ZDHHC2: variants seen among roughly 807,000 people sequenced by gnomAD.
The protein encoded by ZDHHC2 is palmitoyltransferase ZDHHC2.
In ZDHHC2, 51 loss-of-function variants were observed where a neutral mutation model predicts 55.6. That is an observed-to-expected ratio of 0.92 (90% CI 0.73 to 1.16). The LOEUF is 1.16. ZDHHC2 is among the 50% of genes most tolerant of loss of function. The pLI is 0.00. For missense variants in ZDHHC2, 491 were observed against 442.4 expected, an observed-to-expected ratio of 1.11 and a Z score of -0.99; for synonymous variants, 199 against 152.9, an observed-to-expected ratio of 1.30 and a Z score of -2.22.
At chr8:17,164,666 A>G (rs1263984791) in intron 1 of ZDHHC2, among the ~76,000 whole-genome samples, 1 of 152,146 alleles carries the variant, frequency 6.6e-6, no homozygotes, top group African/African-American at 2.4e-5. Flanking sequence ...GTTTCTAGGT[A>G]GTTGTCTATC....
At chr8:17,220,065 C>A (rs191971977) in intron 12 of ZDHHC2, among the ~76,000 whole-genome samples, 191 bp from the exon 13 acceptor site, 1 of 151,892 alleles carries the variant, frequency 6.6e-6, no homozygotes, top group African/African-American at 2.4e-5. Flanking sequence ...AGGATCCTTT[C>A]GTATATGCAT....
At chr8:17,159,695 A>C (rs1448878752) in intron 1 of ZDHHC2, among the ~76,000 whole-genome samples, 3 of 152,194 alleles carry the variant, frequency 2.0e-5, no homozygotes, top group African/African-American at 7.2e-5. Flanking sequence ...TGGGATGTAC[A>C]TATATTGTGT....
chr8:17,199,532 C>CGTCTT (rs1554466075), intron 6 of ZDHHC2, among the ~76,000 whole-genome samples: 2 of 117,504 alleles, frequency 1.7e-5, no homozygotes, highest in African/African-American at 3.5e-5. Context: ...TCTTCGTCTT[C>CGTCTT]TGTCTTCGTC....
intron 3 of ZDHHC2, among the ~76,000 whole-genome samples, chr8:17,189,056 C>A (rs750031715): frequency 6.6e-6 from 1 of 150,376 alleles, no homozygotes; most frequent in Non-Finnish European, 1.5e-5. Flanking sequence ...CATCCTCTCT[C>A]ATTTATAGAT....
intron 3 of ZDHHC2, among the ~76,000 whole-genome samples, chr8:17,192,571 G>A (rs1184510419): frequency 2.0e-5 from 3 of 152,230 alleles, no homozygotes; most frequent in East Asian, 1.9e-4. Flanking sequence ...CATTCTGTGG[G>A]TTGTGTCTTC....
intron 9 of ZDHHC2, 141 bp from the exon 10 acceptor site, chr8:17,210,247 A>G (rs565333307): frequency 3.8e-6 from 4 of 1,049,364 alleles, no homozygotes; most frequent in Non-Finnish European, 5.4e-6. Flanking sequence ...CTTCCTGAAC[A>G]CTATGTTGAG....
chr8:17,184,235 G>A lies in ZDHHC2; in HGVS notation c.131-554G>A, dbSNP rs183329664. ...CTAGCTTGGAATATTTACAACAGCCGCTGAGGAGTGGCAGTTTCCCAGCAC... is the reference window on the plus strand; with the variant it reads ...CTAGCTTGGAATATTTACAACAGCCACTGAGGAGTGGCAGTTTCCCAGCAC... On this transcript the variant is annotated intron_variant, in intron 1 of 12. Transcript: ENST00000262096. Among the ~76,000 whole-genome samples the A allele has an allele frequency of 5.3e-5, 8 of 152,300 alleles. No homozygotes were observed. In the East Asian group the frequency reaches 1.2e-3, roughly 22 times the overall value.
At chr8:17,170,670 C>T (rs1042921793) in intron 1 of ZDHHC2, among the ~76,000 whole-genome samples, 1 of 152,140 alleles carries the variant, frequency 6.6e-6, no homozygotes, top group Non-Finnish European at 1.5e-5. Flanking sequence ...CAGCTAATAA[C>T]GTTTGGTCAT....
intron 6 of ZDHHC2, among the ~76,000 whole-genome samples, chr8:17,199,533 TG>T (rs770865879): frequency 1.1e-3 from 35 of 31,266 alleles, no homozygotes; most frequent in South Asian, 6.7e-3. Context: ...CTTCGTCTTC[TG>T]TCTTCGTCTT....
intron 1 of ZDHHC2, among the ~76,000 whole-genome samples, chr8:17,177,469 T>C (rs2150897002): frequency 6.6e-6 from 1 of 152,350 alleles, no homozygotes; most frequent in East Asian, 1.9e-4. Flanking sequence ...CATAATCTTT[T>C]GAATGTGAGC....
intron 1 of ZDHHC2, among the ~76,000 whole-genome samples, chr8:17,183,663 T>C (rs186098461): frequency 6.4e-4 from 97 of 152,338 alleles, no homozygotes; most frequent in Non-Finnish European, 1.1e-3. Flanking sequence ...ACATCAAATA[T>C]GTGAAGATCT....
chr8:17,168,954 C>T (rs1384546207), intron 1 of ZDHHC2, among the ~76,000 whole-genome samples: 1 of 152,078 alleles, frequency 6.6e-6, no homozygotes, highest in African/African-American at 2.4e-5. Flanking sequence ...GTTGTTTCTA[C>T]CTTTTTGGCT....
At position 17,210,404 on chromosome 8, in the gene ZDHHC2, T is replaced by C; in HGVS notation, c.874T>C (p.Ser292Pro). The change falls in exon 10 of 13, where the codon TCC becomes CCC. Residue 292 changes from serine (S) to proline (P), a missense_variant. Coordinates refer to ENST00000262096, the MANE Select transcript of ZDHHC2 (RefSeq NM_016353.5). ...PIFSSLGDGC[S>P]FPTCLVNQDP... ...TAATTCTAGTCTAGGTGATGGCTGC[T>C]CCTTTCCAACTTGCCTTGTTAACCA... 1 of 1,613,472 alleles carries C rather than the reference T, an allele frequency of 6.2e-7. No individual in the cohort carries two copies. Among genetic ancestry groups the C allele is most frequent in the Non-Finnish European group, 8.5e-7 (1 of 1,179,656 alleles).
At chr8:17,214,450 C>T (rs1201945915) in intron 10 of ZDHHC2, among the ~76,000 whole-genome samples, 5 of 152,184 alleles carry the variant, frequency 3.3e-5, no homozygotes, top group Non-Finnish European at 4.4e-5. Context: ...TTTTCCTCAA[C>T]TTTGTCTTCC....
At chr8:17,207,637 T>C (rs1445271688) in intron 7 of ZDHHC2, among the ~76,000 whole-genome samples, 1 of 152,198 alleles carries the variant, frequency 6.6e-6, no homozygotes. Flanking sequence ...AATTTAAAAC[T>C]ACATTTTATA....
intron 3 of ZDHHC2, among the ~76,000 whole-genome samples, chr8:17,187,454 C>T (rs1190418754): frequency 6.6e-6 from 1 of 151,686 alleles, no homozygotes; most frequent in Non-Finnish European, 1.5e-5. Context: ...CTGAAGTAAT[C>T]AGTTTGAAAT....
Position 17,180,312 on chromosome 8 carries a change from A to G in ZDHHC2, c.131-4477A>G, listed in dbSNP as rs183984124. Among the ~76,000 whole-genome samples the G allele has an allele frequency of 3.2e-4, 49 of 152,298 alleles. 3 individuals carry two copies. The highest frequency in any genetic ancestry group is 1.2e-3 in the African/African-American group (48 of 41,580). On this transcript the variant is annotated intron_variant, in intron 1 of 12. Transcript: ENST00000262096. ...TCATTACTCTGTGTTAAGAATGAAG[A>G]CCACTTTTTTGGTTTAAACAAGTTT...
At chr8:17,195,421 A>C in intron 3 of ZDHHC2, 83 bp from the exon 4 acceptor site, 2 of 1,434,274 alleles carry the variant, frequency 1.4e-6, no homozygotes, top group Non-Finnish European at 1.9e-6. Flanking sequence ...TTTTATAAAT[A>C]CCCTTTTCCG....
At chr8:17,178,328 T>G (rs1805255356) in intron 1 of ZDHHC2, among the ~76,000 whole-genome samples, 1 of 152,170 alleles carries the variant, frequency 6.6e-6, no homozygotes, top group Non-Finnish European at 1.5e-5. Context: ...AAGGTTGAAT[T>G]TAAATCATTC....
Sources: allele counts gnomAD v4.1 joint callset (sites outside exome capture counted in the v4.1 genomes callset), GRCh38; gene constraint gnomAD v4.1.1; transcripts MANE v1.5; gene names NCBI Gene and HGNC (gene_info 2026-07-23, HGNC 2026-07-21).